Variants in TOP6BL observed in about 807,000 individuals in gnomAD.
The protein encoded by TOP6BL is TOP6B like initiator of meiotic double strand breaks, also known as type 2 DNA topoisomerase 6 subunit B-like.
the TOP6BL span, among the ~76,000 whole-genome samples, chr11:66,802,194 C>CT: frequency 6.6e-6 from 1 of 151,598 alleles, no homozygotes; most frequent in Non-Finnish European, 1.5e-5. Context: ...GAGTCTCGCT[C>CT]TTTCGCCCAG....
the TOP6BL span, chr11:66,759,086 G>T: frequency 6.4e-7 from 1 of 1,552,384 alleles, no homozygotes; most frequent in Non-Finnish European, 8.8e-7. Context: ...TCCTCAAGAA[G>T]TTCCTAAAAG....
chr11:66,839,050 ATG>A, the TOP6BL span: 871 of 450,168 alleles, frequency 1.9e-3, 9 homozygotes, highest in African/African-American at 0.016. Context: ...GTCACTCTTA[ATG>A]TGTGTTATGG....
chr11:66,821,680 C>G, the TOP6BL span: 3 of 1,611,830 alleles, frequency 1.9e-6, no homozygotes, highest in Admixed American at 5.0e-5. Context: ...TCAATGCCAT[C>G]CTTGTGGAGA....
the TOP6BL span, among the ~76,000 whole-genome samples, chr11:66,792,206 A>G: frequency 6.6e-6 from 1 of 152,116 alleles, no homozygotes; most frequent in South Asian, 2.1e-4. Flanking sequence ...CTCTGACCTG[A>G]CATTAGTCAC....
the TOP6BL span, among the ~76,000 whole-genome samples, chr11:66,821,371 T>G: frequency 6.7e-6 from 1 of 149,942 alleles, no homozygotes; most frequent in Admixed American, 6.7e-5. Flanking sequence ...CACTGCAAGC[T>G]CCGCCTCCCG....
At chr11:66,761,769 A>G in the TOP6BL span, 2 of 790,516 alleles carry the variant, frequency 2.5e-6, no homozygotes, top group Non-Finnish European at 4.5e-6. Context: ...GTATCCTTCC[A>G]TTCAAACTCG....
the TOP6BL span, chr11:66,761,736 A>G: frequency 1.3e-6 from 1 of 784,132 alleles, no homozygotes. Context: ...CAGTCCAGGG[A>G]ATCTGTGTTG....
chr11:66,789,991 G>A, the TOP6BL span, among the ~76,000 whole-genome samples: 1 of 152,144 alleles, frequency 6.6e-6, no homozygotes, highest in Non-Finnish European at 1.5e-5. Flanking sequence ...ACTTGATCCT[G>A]GCTGGGCGCC....
the TOP6BL span, among the ~76,000 whole-genome samples, chr11:66,778,608 A>G: frequency 2.0e-5 from 3 of 152,202 alleles, no homozygotes; most frequent in Admixed American, 6.5e-5. Flanking sequence ...AATAGATTCA[A>G]TGCCATCCCC....
At chr11:66,809,447 C>T in the TOP6BL span, among the ~76,000 whole-genome samples, 1 of 152,116 alleles carries the variant, frequency 6.6e-6, no homozygotes, top group Admixed American at 6.6e-5. Flanking sequence ...AAATTATAAT[C>T]CACGTAACAA....
chr11:66,793,811 T>TA, the TOP6BL span, among the ~76,000 whole-genome samples: 26 of 151,772 alleles, frequency 1.7e-4, no homozygotes, highest in Admixed American at 4.6e-4. Context: ...AGTGTACTTA[T>TA]AAAAAACATT....
the TOP6BL span, chr11:66,828,257 C>G: frequency 1.2e-6 from 2 of 1,607,138 alleles, no homozygotes; most frequent in South Asian, 1.1e-5. Context: ...TATTTCTGGC[C>G]CATTTTAGGC....
the TOP6BL span, among the ~76,000 whole-genome samples, chr11:66,785,848 C>T: frequency 6.6e-6 from 1 of 152,170 alleles, no homozygotes; most frequent in Non-Finnish European, 1.5e-5. Context: ...ATGAGTGTTA[C>T]AGTATTAGCT....
At chr11:66,779,919 C>T in the TOP6BL span, among the ~76,000 whole-genome samples, 1 of 149,700 alleles carries the variant, frequency 6.7e-6, no homozygotes, top group Non-Finnish European at 1.5e-5. Flanking sequence ...GACAAAAAAC[C>T]AAACACCGCA....
chr11:66,838,817 C>T, the TOP6BL span, among the ~76,000 whole-genome samples: 3 of 152,154 alleles, frequency 2.0e-5, no homozygotes, highest in Admixed American at 6.5e-5. Context: ...CTGCAAGCTC[C>T]GCCTCCCGGG....
At chr11:66,804,111 T>C in the TOP6BL span, 1 of 1,614,026 alleles carries the variant, frequency 6.2e-7, no homozygotes, top group Non-Finnish European at 8.5e-7. Flanking sequence ...TTGGGAGAAC[T>C]GATACTGACT....
At chr11:66,841,545 C>T in the TOP6BL span, among the ~76,000 whole-genome samples, 1 of 152,190 alleles carries the variant, frequency 6.6e-6, no homozygotes, top group East Asian at 1.9e-4. Context: ...GTCTTCCTGT[C>T]TCTAGTTTGA....
the TOP6BL span, among the ~76,000 whole-genome samples, chr11:66,813,251 T>G: frequency 6.6e-6 from 1 of 152,170 alleles, no homozygotes; most frequent in African/African-American, 2.4e-5. Flanking sequence ...CCCAAGAACT[T>G]AGAACTTAAA....
the TOP6BL span, chr11:66,814,058 G>A: frequency 2.6e-6 from 4 of 1,551,532 alleles, no homozygotes; most frequent in Non-Finnish European, 3.5e-6. Context: ...GACATTTGAA[G>A]AATATTAGAT....
Sources: allele counts gnomAD v4.1 joint callset (sites outside exome capture counted in the v4.1 genomes callset), GRCh38; gene constraint gnomAD v4.1.1; transcripts MANE v1.5; gene names NCBI Gene and HGNC (gene_info 2026-07-23, HGNC 2026-07-21).